The following PPFIBP2 variants were observed in gnomAD, a reference collection of about 807,000 sequenced individuals.
PPFIBP2 encodes PPFIB scaffold protein 2, also known as liprin-beta-2.
PPFIBP2 carries 118 observed loss-of-function variants against 118.3 expected under a neutral mutation model. The observed-to-expected ratio is 1.00, with a 90% CI of 0.86 to 1.16. The LOEUF (loss-of-function observed/expected upper bound fraction) is 1.16. Among genes scored for constraint, PPFIBP2 ranks in the 50% most tolerant of loss-of-function variants. PPFIBP2 has a pLI of 0.00. For missense variants in PPFIBP2, 1,195 were observed against 1,073.1 expected, an observed-to-expected ratio of 1.11 and a Z score of -1.59; for synonymous variants, 414 against 397.4, an observed-to-expected ratio of 1.04 and a Z score of -0.50.
chr11:7,540,253 G>A (rs1054174925), intron 1 of PPFIBP2, among the ~76,000 whole-genome samples: 1 of 152,286 alleles, frequency 6.6e-6, no homozygotes, highest in Non-Finnish European at 1.5e-5. Flanking sequence ...AGGGGTGTGG[G>A]GGGGCGGTGA....
chr11:7,633,073 G>A, intron 12 of PPFIBP2, 139 bp downstream of exon 12: 1 of 732,838 alleles, frequency 1.4e-6, no homozygotes, highest in East Asian at 2.8e-5. Context: ...TGTTAGGGCA[G>A]TTACAAACCA....
At chr11:7,524,608 A>G (rs959107748) in intron 1 of PPFIBP2, among the ~76,000 whole-genome samples, 2 of 152,224 alleles carry the variant, frequency 1.3e-5, no homozygotes, top group Admixed American at 6.5e-5. Flanking sequence ...CGAACTGAAC[A>G]CTTTTGAAAG....
intron 2 of PPFIBP2, among the ~76,000 whole-genome samples, chr11:7,559,432 A>G (rs1380499858): frequency 6.6e-6 from 1 of 152,058 alleles, no homozygotes; most frequent in Non-Finnish European, 1.5e-5. Context: ...AGATTTTGCA[A>G]TTGCTAATGC....
At chr11:7,544,985 G>T (rs553684231) in intron 1 of PPFIBP2, among the ~76,000 whole-genome samples, 6 of 152,068 alleles carry the variant, frequency 3.9e-5, no homozygotes, top group Non-Finnish European at 8.8e-5. Context: ...GGGAGGAACC[G>T]ATGTGGAAGA....
At chr11:7,651,605 C>CGA in intron 22 of PPFIBP2, 51 bp from the exon 23 acceptor site, 1 of 1,524,398 alleles carries the variant, frequency 6.6e-7, no homozygotes, top group Non-Finnish European at 8.9e-7. Flanking sequence ...TCCTCCCCCT[C>CGA]GAGCCATTTG....
intron 6 of PPFIBP2, among the ~76,000 whole-genome samples, chr11:7,614,568 G>A (rs1848422733): frequency 6.6e-6 from 1 of 152,142 alleles, no homozygotes; most frequent in African/African-American, 2.4e-5. Context: ...TACAAATAAT[G>A]CTGTAGTGAA....
intron 1 of PPFIBP2, among the ~76,000 whole-genome samples, chr11:7,516,406 G>A (rs1027856442): frequency 2.6e-5 from 4 of 152,198 alleles, no homozygotes; most frequent in Admixed American, 6.5e-5. Flanking sequence ...GATGCAATGA[G>A]AAGTGAGGAG....
At chr11:7,537,860 G>A (rs1851367451) in intron 1 of PPFIBP2, among the ~76,000 whole-genome samples, 1 of 152,082 alleles carries the variant, frequency 6.6e-6, no homozygotes, top group Non-Finnish European at 1.5e-5. Flanking sequence ...TGGAGTACCT[G>A]CACTGTTTGA....
chr11:7,537,239 T>G lies in PPFIBP2; in HGVS notation c.-36-12201T>G, dbSNP rs191094015. Among the ~76,000 whole-genome samples, 10 of 152,360 alleles carry G rather than the reference T, an allele frequency of 6.6e-5. No homozygotes were observed. In the South Asian group the frequency reaches 8.3e-4, roughly 13 times the overall value. The stretch of plus-strand genomic sequence containing the variant: ...CACTATTCCCCTGCTCTCTGGCCAC[T>G]GAGCTACATCTTTGTAAAACAGGGC... On this transcript the variant is annotated intron_variant, in intron 1 of 23. Transcript: ENST00000299492.
chr11:7,562,016 A>T (rs888856836), intron 2 of PPFIBP2, among the ~76,000 whole-genome samples: 1 of 152,248 alleles, frequency 6.6e-6, no homozygotes, highest in Non-Finnish European at 1.5e-5. Flanking sequence ...ACCTCAGATC[A>T]CCAGGCATTT....
Position 7,625,831 on chromosome 11 carries a change from C to G in PPFIBP2, c.766C>G (p.Arg256Gly). The change falls in exon 8 of 24, where the codon CGT (arginine) becomes GGT (glycine). Residue 256 changes from arginine to glycine, a missense_variant. Transcript: ENST00000299492. ...GGCCCTGAAAGATGCAGAAATTGAG[C>G]GTCTGCACAGCCAGCTCTCCCGGAC... ...QVALKDAEIE[R>G]LHSQLSRTAA... The G allele has an allele frequency of 1.2e-6, 2 of 1,614,224 alleles. No homozygotes were observed. The highest frequency in any genetic ancestry group is 1.7e-6 in the Non-Finnish European group (2 of 1,180,024).
At chr11:7,518,901 A>C (rs114913234) in intron 1 of PPFIBP2, among the ~76,000 whole-genome samples, 9,376 of 152,236 alleles carry the variant, frequency 0.062, 405 homozygotes, top group Admixed American at 0.13. Flanking sequence ...AAGAAGTCAG[A>C]AGTCGTTCCT....
rs4758007 is a variant in PPFIBP2, at chr11:7,648,544, G to C, written c.1797+7G>C. The C allele has an allele frequency of 0.14, 218,012 of 1,613,444 alleles. 15,412 individuals are homozygous for C. The highest frequency in any genetic ancestry group is 0.21 in the Middle Eastern group (1,249 of 6,062). Reference sequence around the variant, plus strand: ...CCCTCAGGACATGGAAAAGGTAAGGGCTCAGCTTGGGGAGAGGAGGCTCCC... The same window carrying C: ...CCCTCAGGACATGGAAAAGGTAAGGCCTCAGCTTGGGGAGAGGAGGCTCCC... On this transcript the variant is annotated splice_region_variant and intron_variant, in intron 18 of 23. Coordinates refer to ENST00000299492, the MANE Select transcript of PPFIBP2 (RefSeq NM_003621.5).
intron 1 of PPFIBP2, among the ~76,000 whole-genome samples, chr11:7,529,513 T>C (rs957167645): frequency 6.6e-6 from 1 of 152,178 alleles, no homozygotes; most frequent in Non-Finnish European, 1.5e-5. Context: ...CTCAGCCATC[T>C]TCTCTCAAGG....
At chr11:7,611,060 C>T (rs1044244748) in intron 6 of PPFIBP2, among the ~76,000 whole-genome samples, 1 of 152,168 alleles carries the variant, frequency 6.6e-6, no homozygotes, top group Non-Finnish European at 1.5e-5. Context: ...CTTAGATAAC[C>T]GTCTTCCTGT....
intron 3 of PPFIBP2, among the ~76,000 whole-genome samples, chr11:7,572,733 C>T (rs1311648897): frequency 6.6e-6 from 1 of 152,166 alleles, no homozygotes. Context: ...TGCTTCTAGG[C>T]AAGTTTGTTT....
intron 15 of PPFIBP2, 143 bp downstream of exon 15, chr11:7,640,013 G>T: frequency 8.9e-7 from 1 of 1,126,814 alleles, no homozygotes; most frequent in Non-Finnish European, 1.1e-6. Flanking sequence ...GTACCTTGGG[G>T]TGGTCCCACC....
intron 6 of PPFIBP2, among the ~76,000 whole-genome samples, chr11:7,618,298 C>G (rs1369955170): frequency 6.6e-6 from 1 of 152,138 alleles, no homozygotes; most frequent in Non-Finnish European, 1.5e-5. Context: ...TCCAGCAAGA[C>G]TTTTAAAGGA....
In PPFIBP2 at chr11:7,626,035, G is replaced by A. The variant is rs548998871; in HGVS notation, c.826+144G>A. On this transcript the variant is annotated intron_variant, in intron 8 of 23. Transcript: ENST00000299492. ...TGGACATGCATGTATGTGTGCAAGC[G>A]TGGCCAAGTGAATGGATGCACCAGT... 413 of 677,442 alleles carry A rather than the reference G, an allele frequency of 6.1e-4. 1 individual carries two copies. Among genetic ancestry groups the A allele is most frequent in the Middle Eastern group, 5.3e-3 (19 of 3,606 alleles). The allele number at this position is 677,442 out of a possible 1,614,324, so 42.0% of individuals were successfully genotyped here. A position where few individuals can be genotyped will look rare whatever the true frequency, so the allele number is the denominator to read the frequency against.
Sources: allele counts gnomAD v4.1 joint callset (sites outside exome capture counted in the v4.1 genomes callset), GRCh38; gene constraint gnomAD v4.1.1; transcripts MANE v1.5; gene names NCBI Gene and HGNC (gene_info 2026-07-23, HGNC 2026-07-21).